DST: variants seen among roughly 807,000 people sequenced by gnomAD.
The protein encoded by DST is dystonin.
Under a neutral mutation model 875.2 loss-of-function variants are expected in DST, and 253 were observed. The ratio of observed to expected loss-of-function variants is 0.29; its 90% confidence interval spans 0.26 to 0.32. The LOEUF is 0.32. DST is among the 10% of genes least tolerant of loss of function. The pLI is 1.00. For missense variants in DST, 8,287 were observed against 9,111.6 expected (o/e 0.91, Z 3.68); for synonymous variants, 3,124 against 3,197.1 (o/e 0.98, Z 0.77).
intron 9 of DST, among the ~76,000 whole-genome samples, chr6:56,687,693 G>A (rs1033659915): frequency 2.0e-5 from 3 of 151,692 alleles, no homozygotes; most frequent in Admixed American, 6.6e-5. Context: ...AAGCCAAGAT[G>A]TTTGTTTCCA....
chr6:56,730,013 G>C (rs577853364), intron 5 of DST, among the ~76,000 whole-genome samples: 1 of 152,198 alleles, frequency 6.6e-6, no homozygotes, highest in South Asian at 2.1e-4. Context: ...CTCTCCAAAT[G>C]CATTTATGTG....
At chr6:56,639,417 AC>A in intron 21 of DST, 32 bp downstream of exon 21, 2 of 1,613,106 alleles carry the variant, frequency 1.2e-6, no homozygotes, top group Middle Eastern at 1.7e-4. Flanking sequence ...CTAAAATGCA[AC>A]CCTAGTATGC....
rs1043642388 is a variant in DST, at chr6:56,515,391, T to C, written c.18576+59A>G. ...TGTTTAACTGTACTAAAAACCACCA[T>C]AAAAATCATGATTCTCTTTTAATGG... On this transcript the variant is annotated intron_variant, in intron 72 of 103. Coordinates refer to ENST00000680361, the MANE Select transcript of DST (RefSeq NM_001374736.1). The C allele has an allele frequency of 5.1e-6, 8 of 1,577,016 alleles. No homozygotes were observed. In the East Asian group the frequency reaches 6.7e-5, roughly 13 times the overall value.
At chr6:56,875,374 C>T (rs1338541615) in intron 3 of DST, among the ~76,000 whole-genome samples, 2 of 152,180 alleles carry the variant, frequency 1.3e-5, no homozygotes, top group Non-Finnish European at 2.9e-5. Context: ...ACATTCAATA[C>T]ATTTTCCATT....
At chr6:56,472,446 G>A (rs973107193) in intron 93 of DST, among the ~76,000 whole-genome samples, 1 of 152,066 alleles carries the variant, frequency 6.6e-6, no homozygotes, top group African/African-American at 2.4e-5. Flanking sequence ...CTCTGGACAG[G>A]GGCATTTAAA....
At chr6:56,718,457 G>A (rs1347898816) in intron 5 of DST, among the ~76,000 whole-genome samples, 2 of 152,208 alleles carry the variant, frequency 1.3e-5, no homozygotes, top group African/African-American at 4.8e-5. Context: ...CATTGCTAGT[G>A]GAAAGGTGAA....
rs753401832 is a variant in DST at position 56,600,119 on chromosome 6, T to A, written c.11644A>T (p.Met3882Leu). The A allele has an allele frequency of 1.2e-6, 2 of 1,612,988 alleles. No individual in the cohort carries two copies. Among genetic ancestry groups the A allele is most frequent in the Non-Finnish European group, 1.7e-6 (2 of 1,179,270 alleles). Reference sequence around the variant, plus strand: ...AACTCAACTGTGCCATCTCCAATCATGAAGGCTTCTTGGTGACCAATTAGG... The same window carrying A: ...AACTCAACTGTGCCATCTCCAATCAAGAAGGCTTCTTGGTGACCAATTAGG... ...NRLIGHQEAFMIGDGTVELKK... is the reference protein window; with the variant it reads ...NRLIGHQEAFLIGDGTVELKK... Residue 3882 changes from methionine (M) to leucine (L), a missense_variant, in exon 45 of 104, where the codon ATG (methionine) becomes TTG (leucine). This residue lies in a region of DST where 3,138 missense variants were observed against 3,116.6 expected (regional missense o/e 1.01). Transcript: ENST00000680361.
chr6:56,790,498 A>G (rs2099718457), intron 4 of DST, among the ~76,000 whole-genome samples: 3 of 152,194 alleles, frequency 2.0e-5, no homozygotes, highest in African/African-American at 7.2e-5. Context: ...ATCTCAGAAT[A>G]TCAGATTTAT....
At chr6:56,747,166 G>A (rs577179829) in intron 4 of DST, among the ~76,000 whole-genome samples, 3 of 152,170 alleles carry the variant, frequency 2.0e-5, no homozygotes, top group Non-Finnish European at 2.9e-5. Flanking sequence ...CAAAACAAAT[G>A]GTTTTGTCAG....
intron 103 of DST, 93 bp downstream of exon 103, chr6:56,460,037 TG>T (rs1421080246): frequency 7.0e-7 from 1 of 1,433,436 alleles, no homozygotes; most frequent in Non-Finnish European, 9.3e-7. Flanking sequence ...AGGGTCAATT[TG>T]TAATTTCTTC....
intron 36 of DST, chr6:56,618,439 A>T: frequency 6.2e-7 from 1 of 1,614,118 alleles, no homozygotes; most frequent in Non-Finnish European, 8.5e-7. Context: ...TTTGAATTTC[A>T]CACTGGAGCA....
intron 4 of DST, among the ~76,000 whole-genome samples, chr6:56,824,161 G>A (rs923433112): frequency 3.9e-5 from 6 of 152,284 alleles, no homozygotes; most frequent in African/African-American, 7.2e-5. Flanking sequence ...GGCGCGCGCC[G>A]CCACGCCTGA....
At chr6:56,849,919 C>T (rs1278050848) in intron 4 of DST, among the ~76,000 whole-genome samples, 1 of 152,248 alleles carries the variant, frequency 6.6e-6, no homozygotes, top group Non-Finnish European at 1.5e-5. Flanking sequence ...TTCTCACTCA[C>T]ACCCTCCTTT....
At chr6:56,680,739 C>T (rs1232139321) in intron 9 of DST, among the ~76,000 whole-genome samples, 1 of 152,184 alleles carries the variant, frequency 6.6e-6, no homozygotes, top group African/African-American at 2.4e-5. Context: ...ACTCTCCTCA[C>T]TCTCCCTGGA....
intron 3 of DST, among the ~76,000 whole-genome samples, chr6:56,855,049 C>T (rs969023898): frequency 2.0e-4 from 31 of 152,260 alleles, no homozygotes; most frequent in African/African-American, 5.8e-4. Context: ...AGCTGGCCTA[C>T]GTCATAATAC....
intron 4 of DST, among the ~76,000 whole-genome samples, chr6:56,768,540 T>G (rs542334582): frequency 9.2e-5 from 14 of 152,306 alleles, no homozygotes; most frequent in African/African-American, 3.4e-4. Context: ...TCACAAAATT[T>G]AACTCAAAAT....
intron 5 of DST, among the ~76,000 whole-genome samples, chr6:56,722,039 A>G (rs1228528887): frequency 3.3e-5 from 5 of 152,162 alleles, no homozygotes; most frequent in African/African-American, 1.2e-4. Context: ...TAATTTTCAT[A>G]TGGTACAAAA....
At chr6:56,629,800 A>C (rs1022442759) in intron 31 of DST, among the ~76,000 whole-genome samples, 4 of 152,206 alleles carry the variant, frequency 2.6e-5, no homozygotes, top group African/African-American at 9.6e-5. Flanking sequence ...ACATGCATTA[A>C]AAATCACTGA....
chr6:56,946,153 G>T (rs1819386460), intron 2 of DST, among the ~76,000 whole-genome samples: 1 of 152,148 alleles, frequency 6.6e-6, no homozygotes, highest in Non-Finnish European at 1.5e-5. Flanking sequence ...AACAGAGAGA[G>T]CCAGGGCCAG....
Sources: allele counts gnomAD v4.1 joint callset (sites outside exome capture counted in the v4.1 genomes callset), GRCh38; gene constraint gnomAD v4.1.1; regional missense constraint gnomAD v4.1.1; transcripts MANE v1.5; gene names NCBI Gene and HGNC (gene_info 2026-07-23, HGNC 2026-07-21).